The following MAPK10 variants were observed in gnomAD, a reference collection of about 807,000 sequenced individuals.
MAPK10 encodes the protein mitogen-activated protein kinase 10, also known as JNK3 alpha protein kinase.
Under a neutral mutation model 59.3 loss-of-function variants are expected in MAPK10, and 25 were observed. That is an observed-to-expected ratio of 0.42 (90% CI 0.31 to 0.59). The LOEUF is 0.59. MAPK10 is among the 20% of genes least tolerant of loss of function. The pLI is 0.15. For synonymous variants in MAPK10, 190 were observed against 200.5 expected (o/e 0.95, Z 0.44); for missense variants, 351 against 568.9 (o/e 0.62, Z 3.90).
At chr4:86,357,182 C>T (rs541258530) in intron 1 of MAPK10, 3 of 152,274 alleles carry the variant, frequency 2.0e-5, no homozygotes, top group South Asian at 2.1e-4. Flanking sequence ...AGCAATCATT[C>T]GATTTGAACA....
intron 4 of MAPK10, among the ~76,000 whole-genome samples, chr4:86,112,156 A>T (rs2057590199): frequency 6.6e-6 from 1 of 151,750 alleles, no homozygotes; most frequent in South Asian, 2.1e-4. Context: ...TCCAAAAAAA[A>T]AAAACCAGCT....
intron 4 of MAPK10, among the ~76,000 whole-genome samples, chr4:86,156,453 A>G (rs530932930): frequency 6.6e-6 from 1 of 152,120 alleles, no homozygotes; most frequent in Non-Finnish European, 1.5e-5. Context: ...ACCACTTACA[A>G]GCTGATGGTG....
chr4:86,209,501 G>GAAACA (rs1236705432), intron 2 of MAPK10, among the ~76,000 whole-genome samples: 20 of 151,890 alleles, frequency 1.3e-4, no homozygotes, highest in African/African-American at 4.6e-4. Flanking sequence ...ACACCAATCA[G>GAAACA]AAACAAAACA....
intron 1 of MAPK10, among the ~76,000 whole-genome samples, chr4:86,378,429 A>T (rs780401342): frequency 1.4e-4 from 21 of 152,196 alleles, no homozygotes; most frequent in Non-Finnish European, 2.4e-4. Context: ...TGTCTAAAAT[A>T]GTACCCCACA....
At chr4:86,265,440 C>T (rs983055050) in intron 2 of MAPK10, among the ~76,000 whole-genome samples, 2 of 150,026 alleles carry the variant, frequency 1.3e-5, no homozygotes, top group African/African-American at 4.9e-5. Flanking sequence ...ACCTGGGAGG[C>T]GGAGGTTGCA....
intron 1 of MAPK10, among the ~76,000 whole-genome samples, chr4:86,414,606 C>T (rs561705420): frequency 6.6e-6 from 1 of 152,274 alleles, no homozygotes; most frequent in African/African-American, 2.4e-5. Flanking sequence ...TACATTGCTG[C>T]TGAACTTCTC....
intron 1 of MAPK10, among the ~76,000 whole-genome samples, chr4:86,392,727 G>GA (rs981717457): frequency 1.3e-5 from 2 of 152,148 alleles, no homozygotes; most frequent in Non-Finnish European, 2.9e-5. Flanking sequence ...CTGAATGACT[G>GA]AAAAAAATGC....
intron 1 of MAPK10, among the ~76,000 whole-genome samples, chr4:86,424,701 A>T (rs1398899318): frequency 6.6e-6 from 1 of 152,084 alleles, no homozygotes; most frequent in African/African-American, 2.4e-5. Context: ...GAGGGGTAGC[A>T]TGATCATGAG....
chr4:86,529,909 C>CCAT lies in MAPK10; in HGVS notation c.-263+63998_-263+64000dup, dbSNP rs373622105. Among the ~76,000 whole-genome samples the CCAT allele has an allele frequency of 2.7e-3, 411 of 152,186 alleles. 6 individuals carry two copies. The Middle Eastern group carries it at 0.044, about 16-fold the overall frequency. On this transcript the variant is annotated intron_variant, in intron 1 of 4. Coordinates refer to the MAPK10 transcript ENST00000502302. ...TAATGTTTGTCTATGTGCTTAGTTC[C>CCAT]CATCATCCATATATGATTCAGACAC... is the stretch of plus-strand genomic sequence containing the variant.
At position 86,395,552 on chromosome 4, in the gene MAPK10, G is replaced by A. The variant is rs73838715; in HGVS notation, c.-121-40908C>T. On this transcript the variant is annotated intron_variant, in intron 1 of 13. Transcript: ENST00000361569. ...ACCAGGTATTGATAGTTTTTGGGGCGGAGGGAGTTGTGGCTGGAGTGAGGA... is the reference window on the plus strand; with the variant it reads ...ACCAGGTATTGATAGTTTTTGGGGCAGAGGGAGTTGTGGCTGGAGTGAGGA... Among the ~76,000 whole-genome samples the A allele has an allele frequency of 1.9e-3, 293 of 152,264 alleles. 1 individual carries two copies. The highest frequency in any genetic ancestry group is 6.8e-3 in the African/African-American group (284 of 41,556).
chr4:86,359,288 C>CTCTCTCTCTGTGTGTG (rs796310826), intron 1 of MAPK10, among the ~76,000 whole-genome samples: 6 of 94,630 alleles, frequency 6.3e-5, no homozygotes, highest in Middle Eastern at 5.8e-3. Context: ...CTCTCTCTCT[C>CTCTCTCTCTGTGTGTG]TGTGTGTGTG....
rs1028632117 is a variant in MAPK10 at position 86,107,543 on chromosome 4, G to C, written c.237-191C>G. ...CATAAGAATATTCTACATGCTAGGA[G>C]GATGAAGAAGAGTTGGAGGAAGGGA... On this transcript the variant is annotated intron_variant, in intron 4 of 13. Transcript: ENST00000641462. 2.5e-6 allele frequency: 3 copies of C among 1,209,162 alleles called. No homozygotes were observed. In the African/African-American group the frequency reaches 4.7e-5, roughly 19 times the overall value. The allele number at this position is 1,209,162 out of a possible 1,614,324, so 74.9% of individuals were successfully genotyped here.
intron 2 of MAPK10, among the ~76,000 whole-genome samples, chr4:86,243,281 A>G (rs2092866334): frequency 6.6e-6 from 1 of 152,142 alleles, no homozygotes; most frequent in African/African-American, 2.4e-5. Context: ...TCAGATGTTG[A>G]GTTTGAGGTG....
rs1198394634 is a variant in MAPK10, at chr4:86,548,835, C to A, written c.-263+45075G>T. ...TGAACAATAAGACAGCTTAGAAGGA[C>A]ATCTCGTATAGCTCTGTGATATGGA... is the stretch of plus-strand genomic sequence containing the variant. On this transcript the variant is annotated intron_variant, in intron 1 of 4. Transcript: ENST00000502302. Among the ~76,000 whole-genome samples the A allele has an allele frequency of 2.6e-5, 4 of 152,186 alleles. No individual in the cohort carries two copies. The South Asian group carries it at 6.2e-4, about 24-fold the overall frequency.
intron 4 of MAPK10, among the ~76,000 whole-genome samples, chr4:86,115,499 T>C (rs895705565): frequency 1.3e-5 from 2 of 152,154 alleles, no homozygotes; most frequent in Non-Finnish European, 2.9e-5. Context: ...TTTGCTCTTG[T>C]TGCCTAGAAT....
At chr4:86,479,984 C>A (rs949873667) in intron 1 of MAPK10, among the ~76,000 whole-genome samples, 2 of 152,036 alleles carry the variant, frequency 1.3e-5, no homozygotes, top group Admixed American at 1.3e-4. Context: ...TCTCTCCATA[C>A]CACCCCCAAA....
At chr4:86,380,801 T>C (rs1374867424) in intron 1 of MAPK10, among the ~76,000 whole-genome samples, 1 of 151,480 alleles carries the variant, frequency 6.6e-6, no homozygotes, top group Non-Finnish European at 1.5e-5. Flanking sequence ...TGGGTGACAG[T>C]TGTGGTTCTG....
At chr4:86,260,994 GAA>G (rs1394485559) in intron 2 of MAPK10, among the ~76,000 whole-genome samples, 1 of 152,102 alleles carries the variant, frequency 6.6e-6, no homozygotes, top group African/African-American at 2.4e-5. Flanking sequence ...AACATAATAA[GAA>G]AAGTTTAGTG....
chr4:86,286,766 A>T (rs2095030233), intron 2 of MAPK10, among the ~76,000 whole-genome samples: 1 of 152,190 alleles, frequency 6.6e-6, no homozygotes, highest in East Asian at 1.9e-4. Flanking sequence ...GAAGGTTGTC[A>T]TCATCTCTGG....
Sources: gnomAD v4.1 joint callset for allele counts (sites outside exome capture counted in the v4.1 genomes callset) on GRCh38, gnomAD v4.1.1 for gene constraint, MANE v1.5 for transcripts, NCBI Gene and HGNC (gene_info 2026-07-23, HGNC 2026-07-21) for gene names.